EFEMP1: variants seen among roughly 807,000 people sequenced by gnomAD.
The protein encoded by EFEMP1 is EGF-containing fibulin-like extracellular matrix protein 1.
EFEMP1 carries 18 observed loss-of-function variants against 65.7 expected under a neutral mutation model. The observed-to-expected ratio is 0.27, with a 90% CI of 0.19 to 0.41. The LOEUF (loss-of-function observed/expected upper bound fraction) is 0.41, where lower values mean the gene tolerates loss of function less well. EFEMP1 is among the 10% of genes least tolerant of loss of function. The pLI is 1.00. For synonymous variants in EFEMP1, 237 were observed against 219.7 expected (o/e 1.08, Z -0.70); for missense variants, 469 against 624.8 (o/e 0.75, Z 2.66).
intron 5 of EFEMP1, among the ~76,000 whole-genome samples, chr2:55,884,348 T>C (rs1201024846): frequency 6.6e-6 from 1 of 152,250 alleles, no homozygotes; most frequent in South Asian, 2.1e-4. Flanking sequence ...AATTCCGTTA[T>C]GTTTGGCTTT....
chr2:55,923,361 C>T lies in EFEMP1; in HGVS notation c.-49+350G>A, dbSNP rs1670980872. Reference sequence around the variant, plus strand: ...AACGCGGCGGTCCCCTGGAGCTGCTCAGCGTCCCAGCTTCTAACCAGCTCC... The same window carrying T: ...AACGCGGCGGTCCCCTGGAGCTGCTTAGCGTCCCAGCTTCTAACCAGCTCC... On this transcript the variant is annotated intron_variant, in intron 1 of 11. Transcript: ENST00000355426. This position sits in a 1 kb window ranked among gnomAD's most constrained non-coding sequence, Gnocchi z 5.3. Among the ~76,000 whole-genome samples, 1 of 152,176 alleles carries T rather than the reference C, an allele frequency of 6.6e-6. No homozygotes were observed. The highest frequency in any genetic ancestry group is 1.5e-5 in the Non-Finnish European group (1 of 68,036).
Position 55,921,139 on chromosome 2 carries a change from C to T in EFEMP1, c.81+1221G>A, listed in dbSNP as rs906162857. ...AAGTGGGTAGTGAATTTAATTTTAG[C>T]TCCCTGAGAAGGCAGTAAGTTTAGT... On this transcript the variant is annotated intron_variant, in intron 3 of 11. Transcript: ENST00000355426. This position sits in a 1 kb window ranked among gnomAD's most constrained non-coding sequence, Gnocchi z 4.1. Among the ~76,000 whole-genome samples, 1 of 152,308 alleles carries T rather than the reference C, an allele frequency of 6.6e-6. No homozygotes were observed. Among genetic ancestry groups the T allele is most frequent in the Non-Finnish European group, 1.5e-5 (1 of 68,014 alleles).
rs1450425472 is a variant in EFEMP1, at chr2:55,923,511, C to T, written c.-49+200G>A. Among the ~76,000 whole-genome samples, 9 of 152,328 alleles carry T rather than the reference C, an allele frequency of 5.9e-5. No homozygotes were observed. Among genetic ancestry groups the T allele is most frequent in the Admixed American group, 4.6e-4 (7 of 15,306 alleles). ...CACACATGCCCATCCCAACAGATGT[C>T]ACCCGAGTACTCGCACTTGCTGACA... is the stretch of plus-strand genomic sequence containing the variant. On this transcript the variant is annotated intron_variant, in intron 1 of 11. Transcript: ENST00000355426. This position sits in a 1 kb window ranked among gnomAD's most constrained non-coding sequence, Gnocchi z 5.3.
At chr2:55,916,207 T>G (rs1021666564) in intron 5 of EFEMP1, among the ~76,000 whole-genome samples, 2 of 151,850 alleles carry the variant, frequency 1.3e-5, no homozygotes, top group Non-Finnish European at 2.9e-5. Context: ...CCTCCCAGGT[T>G]CAAGCAATTC....
At position 55,874,937 on chromosome 2, in the gene EFEMP1, T is replaced by A. The variant is rs75175808; in HGVS notation, c.1000+9A>T. 1.5e-5 allele frequency: 24 copies of A among 1,592,576 alleles called. No individual in the cohort carries two copies. The highest frequency in any genetic ancestry group is 2.3e-5 in the East Asian group (1 of 43,784). ...AATACCTAACATATGAAAAAAAAAA[T>A]AAACTTACCTTGACATGTTCTACTT... On this transcript the variant is annotated intron_variant, in intron 9 of 11. Coordinates refer to ENST00000355426, the MANE Select transcript of EFEMP1 (RefSeq NM_001039348.3).
chr2:55,888,333 A>AT (rs1669502032), intron 5 of EFEMP1, among the ~76,000 whole-genome samples: 1 of 131,806 alleles, frequency 7.6e-6, no homozygotes, highest in African/African-American at 2.9e-5. Context: ...TCCTTCTTAA[A>AT]CTTTTTTTTT....
intron 5 of EFEMP1, among the ~76,000 whole-genome samples, chr2:55,889,835 A>T (rs1225395201): frequency 2.0e-5 from 3 of 151,252 alleles, no homozygotes; most frequent in Non-Finnish European, 4.4e-5. Flanking sequence ...AAAAAAAAAA[A>T]ATAAAACTAC....
In EFEMP1 at chr2:55,874,296, A is replaced by G. The variant is rs144250873; in HGVS notation, c.1000+650T>C. 3.3e-4 allele frequency among the ~76,000 whole-genome samples: 49 copies of G among 149,572 alleles called. No homozygotes were observed. In the East Asian group the frequency reaches 9.6e-3, roughly 29 times the overall value. Reference sequence around the variant, plus strand: ...CCCTGTTAAGAAAATTTTCAACTACATGCAACATTGGAGGTAGGGTCCTTT... The same window carrying G: ...CCCTGTTAAGAAAATTTTCAACTACGTGCAACATTGGAGGTAGGGTCCTTT... On this transcript the variant is annotated intron_variant, in intron 9 of 11. Transcript: ENST00000355426.
At chr2:55,879,758 C>A (rs940848343) in intron 6 of EFEMP1, among the ~76,000 whole-genome samples, 1 of 152,082 alleles carries the variant, frequency 6.6e-6, no homozygotes, top group Non-Finnish European at 1.5e-5. Context: ...CTATTTGGAC[C>A]AGTCTGCAAT....
chr2:55,871,271 G>A lies in EFEMP1; in HGVS notation c.1001-148C>T, dbSNP rs1668798979. 8.4e-6 allele frequency: 9 copies of A among 1,069,328 alleles called. No homozygotes were observed. The highest frequency in any genetic ancestry group is 2.5e-5 in the East Asian group (1 of 39,762). The allele number at this position is 1,069,328 out of a possible 1,614,324, so 66.2% of individuals were successfully genotyped here. On this transcript the variant is annotated intron_variant, in intron 9 of 11. Coordinates refer to ENST00000355426, the MANE Select transcript of EFEMP1 (RefSeq NM_001039348.3). This position sits in a 1 kb window ranked among gnomAD's most constrained non-coding sequence, Gnocchi z 4.2. Reference sequence around the variant, plus strand: ...CCTGCTTTTAGACACAAGACTGGGTGTTCATTGTATTGAATTCAGGACAGA... The same window carrying A: ...CCTGCTTTTAGACACAAGACTGGGTATTCATTGTATTGAATTCAGGACAGA...
chr2:55,887,972 C>A (rs1669485450), intron 5 of EFEMP1, among the ~76,000 whole-genome samples: 2 of 152,150 alleles, frequency 1.3e-5, no homozygotes, highest in Admixed American at 1.3e-4. Context: ...CACGTAGCTT[C>A]CTCTGTGGAC....
At chr2:55,916,931 G>C (rs1219779189) in intron 5 of EFEMP1, among the ~76,000 whole-genome samples, 1 of 152,206 alleles carries the variant, frequency 6.6e-6, no homozygotes, top group Non-Finnish European at 1.5e-5. Flanking sequence ...TGTATGCTCT[G>C]TGAAAATAAA....
At position 55,877,554 on chromosome 2, in the gene EFEMP1, TA is replaced by T. The variant is rs1669084089; in HGVS notation, c.760+191del. On this transcript the variant is annotated intron_variant, in intron 7 of 11. Coordinates refer to ENST00000355426, the MANE Select transcript of EFEMP1 (RefSeq NM_001039348.3). This position sits in a 1 kb window ranked among gnomAD's most constrained non-coding sequence, Gnocchi z 4.5. ...CACAGAGGAGAACTAAAACCAAAGT[TA>T]AAAAGTTTTCTGTTCACATCTTGAT... Among the ~76,000 whole-genome samples the T allele has an allele frequency of 6.6e-6, 1 of 152,204 alleles. No homozygotes were observed. Among genetic ancestry groups the T allele is most frequent in the African/African-American group, 2.4e-5 (1 of 41,446 alleles).
At chr2:55,879,702 C>T (rs1278130712) in intron 6 of EFEMP1, among the ~76,000 whole-genome samples, 2 of 152,126 alleles carry the variant, frequency 1.3e-5, no homozygotes, top group African/African-American at 2.4e-5. Flanking sequence ...ACAGGGAGCA[C>T]CATGCTACTT....
rs1024262267 is a variant in EFEMP1 at position 55,917,103 on chromosome 2, T to C, written c.517+562A>G. Among the ~76,000 whole-genome samples, 8 of 152,346 alleles carry C rather than the reference T, an allele frequency of 5.3e-5. No individual in the cohort carries two copies. The South Asian group carries it at 1.0e-3, about 20-fold the overall frequency. ...TACTCCTGAATGAGGAAAATAAGTC[T>C]GTGGCAAGTTCGATGAAAAGAAACT... On this transcript the variant is annotated intron_variant, in intron 5 of 11. Coordinates refer to ENST00000355426, the MANE Select transcript of EFEMP1 (RefSeq NM_001039348.3). This position sits in a 1 kb window ranked among gnomAD's most constrained non-coding sequence, Gnocchi z 6.3.
Position 55,922,515 on chromosome 2 carries a change from G to T in EFEMP1, c.-7-68C>A. The T allele has an allele frequency of 7.0e-7, 1 of 1,418,980 alleles. No individual in the cohort carries two copies. Among genetic ancestry groups the T allele is most frequent in the Non-Finnish European group, 9.9e-7 (1 of 1,008,180 alleles). 87.9% of individuals were successfully genotyped at this position (1,418,980 alleles called of 1,614,324 possible). On this transcript the variant is annotated intron_variant, in intron 2 of 11. Coordinates refer to ENST00000355426, the MANE Select transcript of EFEMP1 (RefSeq NM_001039348.3). This position sits in a 1 kb window ranked among gnomAD's most constrained non-coding sequence, Gnocchi z 5.5. ...CGGGGAAAGTAACAAAACTTTAGCA[G>T]TGAGCACAAGCGAGGAAAGGAGGGT...
rs1458241577 is a variant in EFEMP1, at chr2:55,870,950, C to T, written c.1125-35G>A. On this transcript the variant is annotated intron_variant, in intron 10 of 11. Coordinates refer to ENST00000355426, the MANE Select transcript of EFEMP1 (RefSeq NM_001039348.3). The surrounding 1 kb of genome is among the most constrained non-coding windows in gnomAD (Gnocchi z 5.8). ...CAAACAAAAGTATTCAGCAGTTTGG[C>T]TTGGTAAGACCAGAAAATCCTCACT... 1.2e-6 allele frequency: 2 copies of T among 1,613,578 alleles called. No homozygotes were observed. The highest frequency in any genetic ancestry group is 2.7e-5 in the African/African-American group (2 of 74,892).
intron 5 of EFEMP1, among the ~76,000 whole-genome samples, chr2:55,900,553 T>C (rs908391221): frequency 1.3e-5 from 2 of 152,236 alleles, no homozygotes; most frequent in Admixed American, 1.3e-4. Context: ...TATGCACTTT[T>C]AAAAGCAATT....
chr2:55,902,435 A>G (rs1670073803), intron 5 of EFEMP1, among the ~76,000 whole-genome samples: 1 of 152,246 alleles, frequency 6.6e-6, no homozygotes, highest in African/African-American at 2.4e-5. Flanking sequence ...GGTCACATTT[A>G]GTGCTGGCAC....
Sources: allele counts gnomAD v4.1 joint callset (sites outside exome capture counted in the v4.1 genomes callset), GRCh38; gene constraint gnomAD v4.1.1; non-coding constraint Gnocchi (gnomAD v3.1); transcripts MANE v1.5; gene names NCBI Gene and HGNC (gene_info 2026-07-23, HGNC 2026-07-21).